The following GSG1L variants were observed in gnomAD, a reference collection of about 807,000 sequenced individuals.
GSG1L encodes the protein GSG1 like, also known as germ cell-specific gene 1-like protein.
GSG1L carries 24 observed loss-of-function variants against 42.1 expected under a neutral mutation model. The ratio of observed to expected loss-of-function variants is 0.57; its 90% confidence interval spans 0.41 to 0.80. The LOEUF (loss-of-function observed/expected upper bound fraction) is 0.80. Among genes scored for constraint, GSG1L ranks in the 30% least tolerant of loss-of-function variants. GSG1L has a pLI of 0.00. For synonymous variants in GSG1L, 215 were observed against 203.5 expected, an observed-to-expected ratio of 1.06 and a Z score of -0.48; for missense variants, 445 against 472.2, an observed-to-expected ratio of 0.94 and a Z score of 0.53.
At chr16:28,056,865 C>A (rs951576970) in intron 1 of GSG1L, among the ~76,000 whole-genome samples, 1 of 152,070 alleles carries the variant, frequency 6.6e-6, no homozygotes, top group Non-Finnish European at 1.5e-5. Flanking sequence ...GCAGTGGGGA[C>A]ATCAGGGGTG....
chr16:27,798,163 C>A (rs2082842102), intron 6 of GSG1L, among the ~76,000 whole-genome samples: 1 of 152,104 alleles, frequency 6.6e-6, no homozygotes, highest in Non-Finnish European at 1.5e-5. Context: ...GCACCTGTAC[C>A]CCCTGAACCT....
At chr16:27,859,257 G>A (rs1374332754) in intron 3 of GSG1L, among the ~76,000 whole-genome samples, 2 of 152,220 alleles carry the variant, frequency 1.3e-5, no homozygotes, top group African/African-American at 2.4e-5. Flanking sequence ...CACTTCCCAT[G>A]ATAGTGTCTG....
In GSG1L at chr16:27,936,673, A is replaced by G. The variant is rs187284003; in HGVS notation, c.397+26483T>C. ...CAACACAAACAGACGTAGATGCCCA[A>G]CTTGCAAATCAGAGCCTGGATTTGA... On this transcript the variant is annotated intron_variant, in intron 2 of 6. Transcript: ENST00000447459. 1.6e-3 allele frequency among the ~76,000 whole-genome samples: 247 copies of G among 152,276 alleles called. 1 individual carries two copies. Among genetic ancestry groups the G allele is most frequent in the Non-Finnish European group, 2.2e-3 (148 of 68,020 alleles).
chr16:27,995,917 C>G (rs1468655582), intron 1 of GSG1L, among the ~76,000 whole-genome samples: 2 of 147,862 alleles, frequency 1.4e-5, no homozygotes, highest in Admixed American at 6.8e-5. Flanking sequence ...CACACACACA[C>G]AGCCAGGCAC....
chr16:27,932,122 G>A lies in GSG1L; in HGVS notation c.397+31034C>T, dbSNP rs979254497. Among the ~76,000 whole-genome samples, 7 of 152,044 alleles carry A rather than the reference G, an allele frequency of 4.6e-5. No individual in the cohort carries two copies. In the East Asian group the frequency reaches 7.7e-4, roughly 17 times the overall value. ...GGCTGGAGTGCAGTGGCATGATCTC[G>A]GCTCACTGCAGCCTCTGTCTCCTGG... On this transcript the variant is annotated intron_variant, in intron 2 of 6. Coordinates refer to ENST00000447459, the MANE Select transcript of GSG1L (RefSeq NM_001109763.2).
intron 1 of GSG1L, among the ~76,000 whole-genome samples, chr16:28,044,806 G>A (rs1248289268): frequency 2.0e-5 from 3 of 151,932 alleles, no homozygotes; most frequent in African/African-American, 7.3e-5. Flanking sequence ...TGTATTTTTA[G>A]TAGGGATGGG....
intron 1 of GSG1L, among the ~76,000 whole-genome samples, chr16:28,003,952 G>A (rs910345513): frequency 2.6e-5 from 4 of 152,248 alleles, no homozygotes; most frequent in African/African-American, 9.6e-5. Context: ...CAGGAACCAG[G>A]AGCAGAAAAA....
At chr16:27,846,192 A>C (rs937081786) in intron 3 of GSG1L, among the ~76,000 whole-genome samples, 4 of 152,206 alleles carry the variant, frequency 2.6e-5, no homozygotes, top group Non-Finnish European at 5.9e-5. Context: ...GTGTTCCTGC[A>C]TCAGTGCCAC....
chr16:28,009,763 A>T (rs1447574683), intron 1 of GSG1L, among the ~76,000 whole-genome samples: 1 of 152,144 alleles, frequency 6.6e-6, no homozygotes, highest in Non-Finnish European at 1.5e-5. Flanking sequence ...ACCCTGAGGG[A>T]GTCACTGCCT....
chr16:28,046,905 G>A (rs552615470), intron 1 of GSG1L, among the ~76,000 whole-genome samples: 7 of 152,308 alleles, frequency 4.6e-5, no homozygotes, highest in African/African-American at 1.4e-4. Context: ...TGCTCAGAGA[G>A]GGAAAAGTTT....
At chr16:27,995,562 ACC>A (rs2085506652) in intron 1 of GSG1L, among the ~76,000 whole-genome samples, 3 of 152,264 alleles carry the variant, frequency 2.0e-5, no homozygotes, top group African/African-American at 7.2e-5. Context: ...TTGTTTAAAG[ACC>A]ACAGGGACAC....
intron 6 of GSG1L, among the ~76,000 whole-genome samples, chr16:27,799,350 A>G (rs2082856849): frequency 6.6e-6 from 1 of 152,188 alleles, no homozygotes; most frequent in African/African-American, 2.4e-5. Flanking sequence ...CCTGAGCAAC[A>G]TAGCAAGACT....
chr16:27,853,125 A>G (rs1331681891), intron 3 of GSG1L, among the ~76,000 whole-genome samples: 3 of 152,216 alleles, frequency 2.0e-5, no homozygotes, highest in East Asian at 3.9e-4. Context: ...CATGAGACCA[A>G]TCGGCTGGGG....
intron 1 of GSG1L, among the ~76,000 whole-genome samples, chr16:27,963,484 C>T (rs2085094228): frequency 6.6e-6 from 1 of 152,138 alleles, no homozygotes; most frequent in Admixed American, 6.5e-5. Context: ...AGAATCCACG[C>T]TCCTCCTCAC....
Position 27,871,575 on chromosome 16 carries a change from G to A in GSG1L, c.550+12911C>T, listed in dbSNP as rs375630699. ...ATCACCTGAGCTCAGGGGGGCCAAGGCTACAGTGAGCCCCCTGATTGTGCT... is the reference window on the plus strand; with the variant it reads ...ATCACCTGAGCTCAGGGGGGCCAAGACTACAGTGAGCCCCCTGATTGTGCT... On this transcript the variant is annotated intron_variant, in intron 3 of 6. Transcript: ENST00000447459. Among the ~76,000 whole-genome samples the A allele has an allele frequency of 4.6e-5, 7 of 152,148 alleles. No homozygotes were observed. The East Asian group carries it at 1.2e-3, about 25-fold the overall frequency.
At chr16:27,864,193 A>T (rs539037266) in intron 3 of GSG1L, among the ~76,000 whole-genome samples, 4 of 152,322 alleles carry the variant, frequency 2.6e-5, no homozygotes, top group African/African-American at 9.6e-5. Context: ...TCACATGCTC[A>T]TCCCTGAACC....
intron 3 of GSG1L, among the ~76,000 whole-genome samples, chr16:27,853,730 G>T (rs1211696911): frequency 6.6e-6 from 1 of 152,162 alleles, no homozygotes; most frequent in African/African-American, 2.4e-5. Context: ...CAAGTAATGG[G>T]TTTACTGAAC....
chr16:27,881,989 T>C (rs1246917260), intron 3 of GSG1L, among the ~76,000 whole-genome samples: 2 of 152,154 alleles, frequency 1.3e-5, no homozygotes, highest in Non-Finnish European at 2.9e-5. Flanking sequence ...TGCTCCACCC[T>C]GAACCCAGAG....
intron 2 of GSG1L, among the ~76,000 whole-genome samples, chr16:27,916,486 CTTT>C (rs35176989): frequency 1.4e-4 from 16 of 114,832 alleles, no homozygotes; most frequent in Admixed American, 1.8e-4. Context: ...ATTTTTAATC[CTTT>C]TTTTTTTTTT....
Sources: gnomAD v4.1 joint callset for allele counts (sites outside exome capture counted in the v4.1 genomes callset) on GRCh38, gnomAD v4.1.1 for gene constraint, MANE v1.5 for transcripts, NCBI Gene and HGNC (gene_info 2026-07-23, HGNC 2026-07-21) for gene names.